The following EPHA6 variants were observed in gnomAD, a reference collection of about 807,000 sequenced individuals.
The protein encoded by EPHA6 is EPH receptor A6.
In EPHA6, 50 loss-of-function variants were observed where a neutral mutation model predicts 112.0. The observed-to-expected ratio is 0.45, with a 90% confidence interval of 0.36 to 0.56. The LOEUF is 0.56. EPHA6 is among the 20% of genes least tolerant of loss of function. The pLI, the probability that EPHA6 is intolerant of heterozygous loss-of-function variation, is 0.00. For synonymous variants in EPHA6, 529 were observed against 490.7 expected, an observed-to-expected ratio of 1.08 and a Z score of -1.03; for missense variants, 1,280 against 1,417.4, an observed-to-expected ratio of 0.90 and a Z score of 1.56.
intron 3 of EPHA6, among the ~76,000 whole-genome samples, chr3:97,139,713 G>A (rs1337383257): frequency 1.3e-5 from 2 of 152,156 alleles, no homozygotes; most frequent in African/African-American, 2.4e-5. Flanking sequence ...AAATTCAAAA[G>A]TAAAAGTGGC....
Position 97,413,962 on chromosome 3 carries a change from T to A in EPHA6, c.1731+8688T>A, listed in dbSNP as rs148702346. Reference sequence around the variant, plus strand: ...TCCCTGGAGACAAATGCAAGATTTGTTCATTTCAGATGCAATTAAAAATGC... The same window carrying A: ...TCCCTGGAGACAAATGCAAGATTTGATCATTTCAGATGCAATTAAAAATGC... On this transcript the variant is annotated intron_variant, in intron 6 of 17. Coordinates refer to ENST00000389672, the MANE Select transcript of EPHA6 (RefSeq NM_001080448.3). 7.0e-3 allele frequency among the ~76,000 whole-genome samples: 1,071 copies of A among 152,124 alleles called. 17 individuals are homozygous for A. Among genetic ancestry groups the A allele is most frequent in the African/African-American group, 0.024 (991 of 41,528 alleles).
At chr3:97,338,322 G>A (rs1000859838) in intron 5 of EPHA6, among the ~76,000 whole-genome samples, 2 of 152,114 alleles carry the variant, frequency 1.3e-5, no homozygotes, top group African/African-American at 4.8e-5. Context: ...TCACAAGCCT[G>A]TAATGTATAT....
At chr3:97,187,675 G>GAAAGAAGGAA (rs1316062620) in intron 3 of EPHA6, among the ~76,000 whole-genome samples, 51 of 77,108 alleles carry the variant, frequency 6.6e-4, no homozygotes, top group Admixed American at 9.7e-4. Flanking sequence ...AAGAAAGAAA[G>GAAAGAAGGAA]AGAAAGAAAG....
chr3:97,531,744 A>T (rs2092697442), intron 10 of EPHA6, among the ~76,000 whole-genome samples: 1 of 152,118 alleles, frequency 6.6e-6, no homozygotes, highest in African/African-American at 2.4e-5. Context: ...ATATTTGGTT[A>T]TTGTTTAATT....
chr3:97,420,511 C>T (rs1332379491), intron 6 of EPHA6, among the ~76,000 whole-genome samples: 1 of 151,920 alleles, frequency 6.6e-6, no homozygotes, highest in Non-Finnish European at 1.5e-5. Context: ...AAATAGAAAA[C>T]TTGCATAATT....
intron 10 of EPHA6, among the ~76,000 whole-genome samples, chr3:97,510,772 T>G (rs2092349805): frequency 6.6e-6 from 1 of 152,234 alleles, no homozygotes; most frequent in African/African-American, 2.4e-5. Context: ...TTAAGTCTGC[T>G]GAAGCTGCAC....
intron 2 of EPHA6, among the ~76,000 whole-genome samples, chr3:96,924,136 A>C (rs1037817775): frequency 2.6e-5 from 4 of 151,948 alleles, no homozygotes; most frequent in Non-Finnish European, 5.9e-5. Flanking sequence ...GCTCTTTTTA[A>C]AGTAGTTTTA....
intron 2 of EPHA6, among the ~76,000 whole-genome samples, chr3:96,890,335 G>A (rs2037881477): frequency 1.3e-5 from 2 of 151,908 alleles, no homozygotes; most frequent in Admixed American, 6.6e-5. Flanking sequence ...AAGATGACAC[G>A]GTAGAAAAAA....
chr3:97,063,728 G>C (rs1009741095), intron 3 of EPHA6, among the ~76,000 whole-genome samples: 3 of 151,798 alleles, frequency 2.0e-5, no homozygotes, highest in Non-Finnish European at 2.9e-5. Context: ...ATAAAAGAAA[G>C]GACAGGAGAA....
At position 97,754,783 on chromosome 3, in the gene EPHA6, T is replaced by C. The variant is rs554796357; in HGVS notation, c.*6082T>C. Among the ~76,000 whole-genome samples the C allele has an allele frequency of 6.6e-6, 1 of 152,202 alleles. No individual in the cohort carries two copies. The highest frequency in any genetic ancestry group is 1.5e-5 in the Non-Finnish European group (1 of 67,982). On this transcript the variant is annotated 3_prime_UTR_variant, in exon 18 of 18. Transcript: ENST00000389672. ...CAGTGGCGAGATCTCGGCTCACTGCTAACTCCGCCTCCCGGGTTCACGCCA... is the reference window on the plus strand; with the variant it reads ...CAGTGGCGAGATCTCGGCTCACTGCCAACTCCGCCTCCCGGGTTCACGCCA...
chr3:97,173,825 T>A (rs2076761112), intron 3 of EPHA6, among the ~76,000 whole-genome samples: 1 of 151,844 alleles, frequency 6.6e-6, no homozygotes, highest in Non-Finnish European at 1.5e-5. Flanking sequence ...CAGTGTAAAA[T>A]AAGCCCATCA....
intron 3 of EPHA6, among the ~76,000 whole-genome samples, chr3:97,106,923 G>A (rs1376546519): frequency 4.6e-5 from 7 of 152,016 alleles, no homozygotes; most frequent in Non-Finnish European, 1.0e-4. Context: ...AGAAAGGAAC[G>A]ACAACTATTC....
Position 97,341,043 on chromosome 3 carries a change from C to T in EPHA6, c.1607-64107C>T, listed in dbSNP as rs73133054. ...ATCTTCTCCTCCATTAAGTCATTTACTGGCAAGGGAAATAAAATGGCAACA... is the reference window on the plus strand; with the variant it reads ...ATCTTCTCCTCCATTAAGTCATTTATTGGCAAGGGAAATAAAATGGCAACA... On this transcript the variant is annotated intron_variant, in intron 5 of 17. Transcript: ENST00000389672. 5.7e-3 allele frequency among the ~76,000 whole-genome samples: 874 copies of T among 152,278 alleles called. 4 individuals are homozygous for T. The highest frequency in any genetic ancestry group is 0.01 in the Middle Eastern group (3 of 294).
intron 15 of EPHA6, among the ~76,000 whole-genome samples, chr3:97,732,425 C>T (rs376883243): frequency 9.9e-5 from 15 of 151,972 alleles, no homozygotes; most frequent in East Asian, 5.9e-4. Flanking sequence ...TGGTCACTCT[C>T]AATAGTTAAT....
intron 2 of EPHA6, among the ~76,000 whole-genome samples, chr3:96,896,652 T>C (rs1447844315): frequency 6.6e-6 from 1 of 152,192 alleles, no homozygotes; most frequent in East Asian, 1.9e-4. Context: ...TTATCCTGGC[T>C]ATGTAATTTT....
chr3:97,620,734 A>G lies in EPHA6; in HGVS notation c.2574+9880A>G, dbSNP rs140852782. On this transcript the variant is annotated intron_variant, in intron 13 of 17. Transcript: ENST00000389672. Reference sequence around the variant, plus strand: ...TGAGTTACCATCTCACACCAGTCAGAATGGCTATTATTAAAAAATCAAACA... The same window carrying G: ...TGAGTTACCATCTCACACCAGTCAGGATGGCTATTATTAAAAAATCAAACA... 4.2e-3 allele frequency among the ~76,000 whole-genome samples: 645 copies of G among 152,190 alleles called. 4 individuals carry two copies. Among genetic ancestry groups the G allele is most frequent in the African/African-American group, 0.013 (535 of 41,562 alleles).
intron 14 of EPHA6, among the ~76,000 whole-genome samples, chr3:97,666,172 T>C (rs753487407): frequency 3.3e-4 from 51 of 152,334 alleles, no homozygotes; most frequent in Non-Finnish European, 7.2e-4. Flanking sequence ...TCCGATTCTG[T>C]TTCCAGCCTC....
intron 3 of EPHA6, among the ~76,000 whole-genome samples, chr3:97,050,589 T>C (rs2045653816): frequency 6.6e-6 from 1 of 152,136 alleles, no homozygotes; most frequent in African/African-American, 2.4e-5. Context: ...TCAGAAATAA[T>C]TTTAAATGGG....
At chr3:97,538,017 T>A (rs2092787685) in intron 11 of EPHA6, among the ~76,000 whole-genome samples, 1 of 152,052 alleles carries the variant, frequency 6.6e-6, no homozygotes, top group Non-Finnish European at 1.5e-5. Context: ...CATGCCTAGG[T>A]GTGATAGAAG....
Sources: gnomAD v4.1 joint callset for allele counts (sites outside exome capture counted in the v4.1 genomes callset) on GRCh38, gnomAD v4.1.1 for gene constraint, MANE v1.5 for transcripts, NCBI Gene and HGNC (gene_info 2026-07-23, HGNC 2026-07-21) for gene names.